Variants in APBB2 observed in about 807,000 individuals in gnomAD.
APBB2 encodes Fe65-like 1.
Under a neutral mutation model 82.5 loss-of-function variants are expected in APBB2, and 38 were observed. That is an observed-to-expected ratio of 0.46 (90% CI 0.36 to 0.60). The LOEUF is 0.60. APBB2 is among the 20% of genes least tolerant of loss of function. APBB2 has a pLI of 0.00. For synonymous variants in APBB2, 341 were observed against 368.2 expected, an observed-to-expected ratio of 0.93 and a Z score of 0.85; for missense variants, 772 against 972.3, an observed-to-expected ratio of 0.79 and a Z score of 2.74.
At position 40,816,773 on chromosome 4, in the gene APBB2, T is replaced by A. The variant is rs146061307; in HGVS notation, c.2113-514A>T. Among the ~76,000 whole-genome samples, 22 of 152,370 alleles carry A rather than the reference T, an allele frequency of 1.4e-4. No homozygotes were observed. The East Asian group carries it at 4.2e-3, about 29-fold the overall frequency. The stretch of plus-strand genomic sequence containing the variant: ...AAAGGACTATTTACAGAGGGTGTTA[T>A]GATTAAGTAAGTAATACTTGTAATG... On this transcript the variant is annotated intron_variant, in intron 17 of 17. Coordinates refer to ENST00000508593, the MANE Select transcript of APBB2 (RefSeq NM_004307.2).
intron 3 of APBB2, among the ~76,000 whole-genome samples, chr4:41,099,618 A>G (rs560982141): frequency 6.6e-6 from 1 of 152,352 alleles, no homozygotes; most frequent in South Asian, 2.1e-4. Context: ...AGTAAATACA[A>G]TAACAACAGA....
At position 40,920,086 on chromosome 4, in the gene APBB2, C is replaced by A. The variant is rs533523507; in HGVS notation, c.1254+14370G>T. On this transcript the variant is annotated intron_variant, in intron 10 of 17. Transcript: ENST00000508593. ...GGTTTGGCTGTGTCCCCACCCAAATCTCATCTTGAATTGTAGCTCCTATAA... is the reference window on the plus strand; with the variant it reads ...GGTTTGGCTGTGTCCCCACCCAAATATCATCTTGAATTGTAGCTCCTATAA... Among the ~76,000 whole-genome samples the A allele has an allele frequency of 1.1e-3, 171 of 152,260 alleles. 1 individual carries two copies. Among genetic ancestry groups the A allele is most frequent in the African/African-American group, 4.0e-3 (168 of 41,536 alleles).
chr4:41,137,635 C>G (rs1160898367), intron 2 of APBB2, among the ~76,000 whole-genome samples: 1 of 152,012 alleles, frequency 6.6e-6, no homozygotes, highest in Admixed American at 6.6e-5. Flanking sequence ...ATTGCAAAAA[C>G]CAGTGTGGTA....
At chr4:40,901,638 C>A (rs1296700978) in intron 10 of APBB2, among the ~76,000 whole-genome samples, 2 of 152,114 alleles carry the variant, frequency 1.3e-5, no homozygotes, top group Non-Finnish European at 2.9e-5. Flanking sequence ...GCCTCCTGAG[C>A]AGCTGGGATT....
Position 40,934,639 on chromosome 4 carries a change from G to T in APBB2, c.1168C>A (p.Leu390Ile). 1 of 1,614,110 alleles carries T rather than the reference G, an allele frequency of 6.2e-7. No individual in the cohort carries two copies. The highest frequency in any genetic ancestry group is 2.2e-5 in the East Asian group (1 of 44,886). Residue 390 changes from leucine (L) to isoleucine (I), a missense_variant, in exon 9 of 18, where the codon CTA becomes ATA. Coordinates refer to ENST00000508593, the MANE Select transcript of APBB2 (RefSeq NM_004307.2). The stretch of plus-strand genomic sequence containing the variant: ...CTGAGTTTCAAAGATGCATAGCGTA[G>T]GGTTGCTCCTTCAAACTCTTTTAAA... ...PSLKEFEGAT[L>I]RYASLKLRNA...
intron 7 of APBB2, among the ~76,000 whole-genome samples, chr4:40,941,371 T>A (rs530138849): frequency 6.6e-6 from 1 of 152,330 alleles, no homozygotes; most frequent in Non-Finnish European, 1.5e-5. Flanking sequence ...GGTCATTTTC[T>A]AGAAGGCTCC....
intron 1 of APBB2, among the ~76,000 whole-genome samples, chr4:41,210,564 T>C (rs17589388): frequency 0.04 from 6,018 of 152,290 alleles, 166 homozygotes; most frequent in Non-Finnish European, 0.046. Flanking sequence ...TAATAACACA[T>C]TAAAATCAAA....
intron 3 of APBB2, among the ~76,000 whole-genome samples, chr4:41,074,325 A>G (rs994799668): frequency 6.6e-6 from 1 of 152,090 alleles, no homozygotes; most frequent in Admixed American, 6.5e-5. Flanking sequence ...AAAAAAGATG[A>G]TCATTTGAGC....
At chr4:41,213,977 C>G (rs1474183522) in intron 1 of APBB2, among the ~76,000 whole-genome samples, 2 of 152,232 alleles carry the variant, frequency 1.3e-5, no homozygotes, top group African/African-American at 4.8e-5. Context: ...TTCCCGCAGG[C>G]GCCCACCCTC....
At chr4:40,994,046 T>G (rs992667531) in intron 6 of APBB2, among the ~76,000 whole-genome samples, 1 of 151,928 alleles carries the variant, frequency 6.6e-6, no homozygotes, top group African/African-American at 2.4e-5. Flanking sequence ...TCCCAGCACT[T>G]TGGGAGGCCA....
intron 10 of APBB2, among the ~76,000 whole-genome samples, chr4:40,896,304 T>C (rs1162974826): frequency 1.3e-5 from 2 of 152,172 alleles, no homozygotes; most frequent in Non-Finnish European, 2.9e-5. Context: ...CCTCAAGTGA[T>C]TGGCCTGCCT....
At chr4:41,004,544 A>T (rs1806139390) in intron 6 of APBB2, among the ~76,000 whole-genome samples, 1 of 152,110 alleles carries the variant, frequency 6.6e-6, no homozygotes, top group East Asian at 1.9e-4. Context: ...TGACTTTTAA[A>T]AATGACTGGC....
intron 6 of APBB2, among the ~76,000 whole-genome samples, chr4:41,008,323 G>A (rs1210802968): frequency 6.6e-6 from 1 of 152,140 alleles, no homozygotes; most frequent in African/African-American, 2.4e-5. Flanking sequence ...GAGGCAACAG[G>A]ATCAATGAAG....
At chr4:41,059,975 C>A (rs75517753) in intron 4 of APBB2, among the ~76,000 whole-genome samples, 1,646 of 144,996 alleles carry the variant, frequency 0.011, 22 homozygotes, top group African/African-American at 0.038. Flanking sequence ...CAGCAAAACT[C>A]CGTCTCAAAA....
chr4:40,900,062 A>G (rs974600705), intron 10 of APBB2, among the ~76,000 whole-genome samples: 3 of 152,240 alleles, frequency 2.0e-5, no homozygotes, highest in East Asian at 1.9e-4. Flanking sequence ...ACCAGAACAT[A>G]TAACAACGTT....
In APBB2 at chr4:41,184,185, G is replaced by A. The variant is rs60242385; in HGVS notation, c.-417+30220C>T. ...GTAATGAGAGCCATGGGGAGCGGCT[G>A]TAAATACATATGAAGCTTCATTCGC... On this transcript the variant is annotated intron_variant, in intron 1 of 17. Transcript: ENST00000508593. Among the ~76,000 whole-genome samples the A allele has an allele frequency of 0.011, 1,626 of 152,232 alleles. 67 individuals carry two copies. In the East Asian group the frequency reaches 0.17, roughly 16 times the overall value.
intron 7 of APBB2, among the ~76,000 whole-genome samples, chr4:40,941,542 C>G (rs972981097): frequency 6.6e-6 from 1 of 152,192 alleles, no homozygotes; most frequent in Non-Finnish European, 1.5e-5. Context: ...TGCCCAAACT[C>G]CTCAACCTCT....
intron 6 of APBB2, chr4:40,990,332 CTT>C (rs1801671608): frequency 1.3e-5 from 2 of 152,074 alleles, no homozygotes; most frequent in Non-Finnish European, 2.9e-5. Flanking sequence ...CTCTCTCTCT[CTT>C]TCTCTCTCCA....
chr4:40,903,393 G>C (rs567566794), intron 10 of APBB2, among the ~76,000 whole-genome samples: 1 of 152,326 alleles, frequency 6.6e-6, no homozygotes, highest in Non-Finnish European at 1.5e-5. Flanking sequence ...CTTGAACTCA[G>C]GAGGCAGAGG....
Sources: gnomAD v4.1 joint callset for allele counts (sites outside exome capture counted in the v4.1 genomes callset) on GRCh38, gnomAD v4.1.1 for gene constraint, MANE v1.5 for transcripts, NCBI Gene and HGNC (gene_info 2026-07-23, HGNC 2026-07-21) for gene names.